Variants in NOMO1 observed in about 807,000 individuals in gnomAD.
NOMO1 encodes nodal modulator 3.
NOMO1 carries 40 observed loss-of-function variants against 133.8 expected under a neutral mutation model. That is an observed-to-expected ratio of 0.30 (90% confidence interval 0.23 to 0.39). The LOEUF (loss-of-function observed/expected upper bound fraction) is 0.39. NOMO1 is among the 10% of genes least tolerant of loss of function. NOMO1 has a pLI of 1.00. For missense variants in NOMO1, 462 were observed against 1,419.9 expected (o/e 0.33, Z 10.84); for synonymous variants, 236 against 570.5 (o/e 0.41, Z 8.36).
At chr16:14,866,882 T>G (rs924007481) in intron 15 of NOMO1, among the ~76,000 whole-genome samples, 191 bp downstream of exon 15, 4 of 149,832 alleles carry the variant, frequency 2.7e-5, no homozygotes, top group Non-Finnish European at 5.9e-5. Context: ...GACCCCTGTA[T>G]TTAGGAGGTT....
At chr16:14,881,410 T>G in intron 24 of NOMO1, 134 bp from the exon 25 acceptor site, 12 of 1,593,444 alleles carry the variant, frequency 7.5e-6, no homozygotes, top group African/African-American at 1.3e-5. Flanking sequence ...CCGGCCACAC[T>G]GAGTTGCCTG....
chr16:14,866,595 C>G lies in NOMO1; in HGVS notation c.1710C>G (p.Ser570Arg), dbSNP rs1380461446. ...AGGATTGGTGCTGGAAGAACAAGAGCCTGGAGGTGGAAGTGCTGGAGGATG... is the reference window on the plus strand; with the variant it reads ...AGGATTGGTGCTGGAAGAACAAGAGGCTGGAGGTGGAAGTGCTGGAGGATG... ...MHEDWCWKNK[S>R]LEVEVLEDDM... The change falls in exon 15 of 31, where the codon AGC becomes AGG. Residue 570 changes from serine to arginine, a missense_variant. By Grantham distance (110) the Ser-to-Arg change is moderately radical (BLOSUM62 -1). Transcript: ENST00000287667. The G allele has an allele frequency of 3.5e-5, 57 of 1,609,770 alleles. 6 individuals carry two copies. The East Asian group carries it at 1.3e-3, about 36-fold the overall frequency.
rs143238093 is a variant in NOMO1, at chr16:14,887,118, T to C, written c.3324+256T>C. Among the ~76,000 whole-genome samples, 649 of 152,250 alleles carry C rather than the reference T, an allele frequency of 4.3e-3. 10 individuals carry two copies. Among genetic ancestry groups the C allele is most frequent in the African/African-American group, 0.015 (627 of 41,496 alleles). On this transcript the variant is annotated intron_variant, in intron 28 of 30. Coordinates refer to ENST00000287667, the MANE Select transcript of NOMO1 (RefSeq NM_014287.4). ...CCCATCATCCAGAAATAGCCACTGC[T>C]AACACGGTGATTGGTATCCTTTGGG...
rs1310825000 is a variant in NOMO1 at position 14,882,643 on chromosome 16, T to A, written c.3077T>A (p.Ile1026Asn). Reference sequence around the variant, plus strand: ...CTCAAGGCAGAAGGCAACGACCACATTGAGCGGGCGCTCCCCCACCATAGG... The same window carrying A: ...CTCAAGGCAGAAGGCAACGACCACAATGAGCGGGCGCTCCCCCACCATAGG... Reference protein sequence around the residue: ...VQLKAEGNDHIERALPHHRVI... With the variant: ...VQLKAEGNDHNERALPHHRVI... The change falls in exon 26 of 31, where the codon ATT (isoleucine) becomes AAT (asparagine). Residue 1026 changes from isoleucine to asparagine, a missense_variant. Ile to Asn is a moderately radical substitution (Grantham distance 149). Coordinates refer to ENST00000287667, the MANE Select transcript of NOMO1 (RefSeq NM_014287.4). 2 of 1,611,526 alleles carry A rather than the reference T, an allele frequency of 1.2e-6. No homozygotes were observed. The highest frequency in any genetic ancestry group is 1.7e-6 in the Non-Finnish European group (2 of 1,179,778).
Position 14,833,837 on chromosome 16 carries a change from G to A in NOMO1, c.-15G>A, listed in dbSNP as rs1963461803. 1 of 595,482 alleles carries A rather than the reference G, an allele frequency of 1.7e-6. No homozygotes were observed. The highest frequency in any genetic ancestry group is 5.2e-4 in the Middle Eastern group (1 of 1,908). The allele number at this position is 595,482 out of a possible 1,614,324, so 36.9% of individuals were successfully genotyped here. On this transcript the variant is annotated 5_prime_UTR_variant, in exon 1 of 31. Coordinates refer to ENST00000287667, the MANE Select transcript of NOMO1 (RefSeq NM_014287.4). ...CCGGCTGCCGGCGGTGGGTCTAGCT[G>A]GGGGAGGTCGGGCCATGCTGGTGGG... is the stretch of plus-strand genomic sequence containing the variant.
intron 11 of NOMO1, 104 bp downstream of exon 11, chr16:14,857,759 A>C (rs949109603): frequency 4.2e-6 from 6 of 1,444,128 alleles, no homozygotes; most frequent in Non-Finnish European, 5.6e-6. Context: ...TTAAGAACTT[A>C]AGAAAGATTA....
At chr16:14,888,593 G>T in intron 28 of NOMO1, 1 of 245,352 alleles carries the variant, frequency 4.1e-6, no homozygotes, top group Non-Finnish European at 8.0e-6. Context: ...AATGTGCATG[G>T]TGCCTGGCAG....
chr16:14,864,256 G>A (rs998746492), intron 12 of NOMO1, among the ~76,000 whole-genome samples: 2 of 151,116 alleles, frequency 1.3e-5, no homozygotes, highest in Non-Finnish European at 2.9e-5. Context: ...CAAGTGATCC[G>A]AAGCCGGGAA....
intron 11 of NOMO1, among the ~76,000 whole-genome samples, chr16:14,858,652 C>T (rs1413802553): frequency 6.6e-6 from 1 of 152,092 alleles, no homozygotes; most frequent in Non-Finnish European, 1.5e-5. Context: ...ATGATGAGGC[C>T]AACCCCATAG....
At chr16:14,870,950 T>G (rs1297341459) in intron 16 of NOMO1, among the ~76,000 whole-genome samples, 3 of 150,886 alleles carry the variant, frequency 2.0e-5, no homozygotes, top group Admixed American at 1.3e-4. Context: ...TTTTTTTTTT[T>G]GATGGTAACT....
At chr16:14,861,658 TTC>T (rs1424276857) in intron 11 of NOMO1, among the ~76,000 whole-genome samples, 5 of 149,062 alleles carry the variant, frequency 3.4e-5, no homozygotes, top group Admixed American at 6.7e-5. Context: ...CTGGGACACT[TTC>T]TCTGTGGAGA....
chr16:14,866,828 AC>A, intron 15 of NOMO1, 137 bp downstream of exon 15: 1 of 1,579,086 alleles, frequency 6.3e-7, no homozygotes, highest in Non-Finnish European at 8.6e-7. Flanking sequence ...CCCACCTGTT[AC>A]GCAACGCATA....
chr16:14,875,589 A>T (rs1289049961), intron 20 of NOMO1, among the ~76,000 whole-genome samples, 167 bp downstream of exon 20: 37 of 149,694 alleles, frequency 2.5e-4, no homozygotes, highest in Non-Finnish European at 4.2e-4. Context: ...GGATGGATGG[A>T]TGGATGGTTG....
rs557971223 is a variant in NOMO1, at chr16:14,851,245, G to A, written c.583-1185G>A. On this transcript the variant is annotated intron_variant, in intron 6 of 30. Coordinates refer to ENST00000287667, the MANE Select transcript of NOMO1 (RefSeq NM_014287.4). ...AAGTAAAGCATGTTGTTAGAAGTCA[G>A]GATAATGTTTATCCTCCTGGGGTGT... is the stretch of plus-strand genomic sequence containing the variant. Among the ~76,000 whole-genome samples the A allele has an allele frequency of 4.2e-3, 641 of 151,946 alleles. 2 individuals are homozygous for A. The highest frequency in any genetic ancestry group is 0.017 in the Middle Eastern group (5 of 294).
intron 3 of NOMO1, among the ~76,000 whole-genome samples, chr16:14,843,618 A>T (rs1963637375): frequency 6.6e-6 from 1 of 151,902 alleles, no homozygotes; most frequent in Non-Finnish European, 1.5e-5. Flanking sequence ...TGTAAATGAA[A>T]ATTCCACTTT....
At position 14,855,480 on chromosome 16, in the gene NOMO1, A is replaced by G. The variant is rs182541325; in HGVS notation, c.963+1454A>G. 2.3e-4 allele frequency among the ~76,000 whole-genome samples: 35 copies of G among 151,890 alleles called. 1 individual carries two copies. Among genetic ancestry groups the G allele is most frequent in the African/African-American group, 8.5e-4 (35 of 41,218 alleles). On this transcript the variant is annotated intron_variant, in intron 9 of 30. Transcript: ENST00000287667. ...TTTAATCACTTTCTTTTAATATTACATTTGAAAGTACTGTGTTAAAATCGC... is the reference window on the plus strand; with the variant it reads ...TTTAATCACTTTCTTTTAATATTACGTTTGAAAGTACTGTGTTAAAATCGC...
At chr16:14,891,825 T>G (rs1964409395) in intron 29 of NOMO1, among the ~76,000 whole-genome samples, 1 of 152,098 alleles carries the variant, frequency 6.6e-6, no homozygotes, top group Non-Finnish European at 1.5e-5. Context: ...ATTCCGGGCT[T>G]CTGTGAAGAG....
chr16:14,862,210 T>C (rs1407877877), intron 11 of NOMO1, among the ~76,000 whole-genome samples: 1 of 151,870 alleles, frequency 6.6e-6, no homozygotes, highest in Non-Finnish European at 1.5e-5. Context: ...AAATGAACAG[T>C]TGAAAAGACA....
At chr16:14,853,729 A>G in intron 8 of NOMO1, 125 bp downstream of exon 8, 2 of 952,906 alleles carry the variant, frequency 2.1e-6, no homozygotes, top group Non-Finnish European at 3.3e-6. Flanking sequence ...GCTGTTAAGC[A>G]GTAACTTACT....
Sources: allele counts gnomAD v4.1 joint callset (sites outside exome capture counted in the v4.1 genomes callset), GRCh38; gene constraint gnomAD v4.1.1; transcripts MANE v1.5; gene names NCBI Gene and HGNC (gene_info 2026-07-23, HGNC 2026-07-21).